The following GLCCI1 variants were observed in gnomAD, a reference collection of about 807,000 sequenced individuals.
The protein encoded by GLCCI1 is glucocorticoid-induced transcript 1 protein.
A neutral mutation model predicts 52.2 loss-of-function variants in GLCCI1; 24 were observed. The observed-to-expected ratio is 0.46, with a 90% CI of 0.33 to 0.65. GLCCI1 has a LOEUF of 0.65. Ranked by LOEUF, GLCCI1 falls within the 30% of genes least tolerant of loss-of-function variation. GLCCI1 has a pLI of 0.02. For missense variants in GLCCI1, 704 were observed against 701.5 expected, an observed-to-expected ratio of 1.00 and a Z score of -0.04; for synonymous variants, 310 against 276.5, an observed-to-expected ratio of 1.12 and a Z score of -1.20.
chr7:8,073,020 A>G (rs1051455081), intron 6 of GLCCI1, among the ~76,000 whole-genome samples: 1 of 152,166 alleles, frequency 6.6e-6, no homozygotes, highest in African/African-American at 2.4e-5. Context: ...TCTTTAATAT[A>G]TAATAGCTCT....
chr7:8,025,680 A>G (rs927984121), intron 3 of GLCCI1, among the ~76,000 whole-genome samples: 2 of 152,180 alleles, frequency 1.3e-5, no homozygotes, highest in African/African-American at 2.4e-5. Flanking sequence ...ACTAACCACA[A>G]CTAGGAAAAC....
At chr7:8,080,040 C>G (rs7777337) in intron 6 of GLCCI1, among the ~76,000 whole-genome samples, 108,343 of 151,134 alleles carry the variant, frequency 0.72, 39,392 homozygotes, top group African/African-American at 0.77. Context: ...CTCCTTACTT[C>G]TAAGTTTCCA....
In GLCCI1 at chr7:7,978,806, T is replaced by A. The variant is rs138099244; in HGVS notation, c.457+8999T>A. 1.8e-3 allele frequency among the ~76,000 whole-genome samples: 268 copies of A among 152,322 alleles called. 2 individuals are homozygous for A. Among genetic ancestry groups the A allele is most frequent in the African/African-American group, 5.8e-3 (240 of 41,580 alleles). Reference sequence around the variant, plus strand: ...ACAGTAGGACTCAGTGGCTCAGGGTTACATCAAGTCTAGCCATATGGAAAC... The same window carrying A: ...ACAGTAGGACTCAGTGGCTCAGGGTAACATCAAGTCTAGCCATATGGAAAC... On this transcript the variant is annotated intron_variant, in intron 1 of 7. Transcript: ENST00000223145.
At chr7:7,994,350 C>G (rs1780899531) in intron 1 of GLCCI1, among the ~76,000 whole-genome samples, 1 of 152,186 alleles carries the variant, frequency 6.6e-6, no homozygotes, top group African/African-American at 2.4e-5. Flanking sequence ...CTATTAAAAT[C>G]TAAATTTAAC....
chr7:7,992,868 C>T (rs1780869861), intron 1 of GLCCI1, among the ~76,000 whole-genome samples: 1 of 151,868 alleles, frequency 6.6e-6, no homozygotes, highest in South Asian at 2.1e-4. Context: ...AGTCTTCATC[C>T]CTAAAATAAG....
At chr7:8,008,781 GA>G (rs1177550308) in intron 2 of GLCCI1, among the ~76,000 whole-genome samples, 1 of 152,116 alleles carries the variant, frequency 6.6e-6, no homozygotes, top group Non-Finnish European at 1.5e-5. Context: ...ACTTTGAAAT[GA>G]ATAAAAAATA....
intron 2 of GLCCI1, among the ~76,000 whole-genome samples, chr7:8,011,960 C>T (rs1442435703): frequency 1.3e-5 from 2 of 151,970 alleles, no homozygotes; most frequent in African/African-American, 4.8e-5. Context: ...GCACTGCAGG[C>T]ACACGCCACC....
intron 1 of GLCCI1, among the ~76,000 whole-genome samples, chr7:8,003,506 A>G (rs753707678): frequency 6.6e-6 from 1 of 152,252 alleles, no homozygotes; most frequent in Non-Finnish European, 1.5e-5. Context: ...TAAATTAAAG[A>G]CAATGACTAA....
At chr7:8,043,785 T>C (rs1030587652) in intron 3 of GLCCI1, among the ~76,000 whole-genome samples, 3 of 152,170 alleles carry the variant, frequency 2.0e-5, no homozygotes, top group African/African-American at 7.2e-5. Context: ...GTGATTTTCA[T>C]GATATTTCAT....
In GLCCI1 at chr7:8,060,817, C is replaced by T. The variant is rs111985009; in HGVS notation, c.966+569C>T. Among the ~76,000 whole-genome samples the T allele has an allele frequency of 1.1e-3, 166 of 152,164 alleles. 1 individual carries two copies. Among genetic ancestry groups the T allele is most frequent in the Non-Finnish European group, 2.0e-3 (136 of 68,000 alleles). On this transcript the variant is annotated intron_variant, in intron 5 of 7. Coordinates refer to ENST00000223145, the MANE Select transcript of GLCCI1 (RefSeq NM_138426.4). ...AGGTTTTGTGTGAACATACTGTTTG[C>T]ATTTCTCTTGGGTATATACCTAGGG...
chr7:8,061,291 G>A (rs553325842), intron 5 of GLCCI1, among the ~76,000 whole-genome samples: 8 of 152,098 alleles, frequency 5.3e-5, no homozygotes, highest in East Asian at 1.9e-4. Flanking sequence ...TAGTAGAGAC[G>A]GGGTTTTGCC....
chr7:8,027,562 G>T (rs1173319353), intron 3 of GLCCI1, among the ~76,000 whole-genome samples: 1 of 151,524 alleles, frequency 6.6e-6, no homozygotes, highest in Non-Finnish European at 1.5e-5. Context: ...AAAGAAGGAA[G>T]GAAGAGAAAA....
chr7:8,039,815 G>A (rs1781955846), intron 3 of GLCCI1, among the ~76,000 whole-genome samples: 1 of 151,952 alleles, frequency 6.6e-6, no homozygotes, highest in Middle Eastern at 3.2e-3. Flanking sequence ...TGGCCAACGT[G>A]GTGAAACCCC....
intron 5 of GLCCI1, among the ~76,000 whole-genome samples, chr7:8,067,510 C>T (rs1162755971): frequency 6.6e-6 from 1 of 152,170 alleles, no homozygotes; most frequent in Admixed American, 6.5e-5. Context: ...TGGCTGATAA[C>T]GTTCTTTCCT....
intron 1 of GLCCI1, among the ~76,000 whole-genome samples, chr7:7,979,596 ATAT>A (rs1780566233): frequency 6.6e-6 from 1 of 152,126 alleles, no homozygotes; most frequent in Non-Finnish European, 1.5e-5. Context: ...ACCTATTATA[ATAT>A]TATACTATAG....
Position 8,004,008 on chromosome 7 carries a change from A to G in GLCCI1, c.558A>G (p.Pro186=), listed in dbSNP as rs1315579457. Residue 186 remains proline, a synonymous_variant, in exon 2 of 8, where the codon CCA becomes CCG. Transcript: ENST00000223145. ...GACCTTACCTCACAGGACAGTGGCC[A>G]CGGGATCCTCATGTTCACTACCCTT... ...ITGPYLTGQW[P]RDPHVHYPSC... 1.9e-6 allele frequency: 3 copies of G among 1,613,790 alleles called. No homozygotes were observed. Among genetic ancestry groups the G allele is most frequent in the East Asian group, 2.2e-5 (1 of 44,886 alleles).
chr7:7,977,947 C>T (rs755917345), intron 1 of GLCCI1, among the ~76,000 whole-genome samples: 3 of 152,134 alleles, frequency 2.0e-5, no homozygotes, highest in African/African-American at 4.8e-5. Context: ...AGTTATGGGG[C>T]AGGAAAGTAT....
At chr7:8,062,060 T>G (rs1782529915) in intron 5 of GLCCI1, among the ~76,000 whole-genome samples, 1 of 152,194 alleles carries the variant, frequency 6.6e-6, no homozygotes, top group East Asian at 1.9e-4. Context: ...ATGAGATAAT[T>G]CACATATTTG....
chr7:7,980,053 A>C (rs1370716116), intron 1 of GLCCI1, among the ~76,000 whole-genome samples: 3 of 152,116 alleles, frequency 2.0e-5, no homozygotes, highest in African/African-American at 7.2e-5. Context: ...AATAGCTGGG[A>C]CCATGGGAGT....
Sources: allele counts gnomAD v4.1 joint callset (sites outside exome capture counted in the v4.1 genomes callset), GRCh38; gene constraint gnomAD v4.1.1; transcripts MANE v1.5; gene names NCBI Gene and HGNC (gene_info 2026-07-23, HGNC 2026-07-21).